The following C1orf21 variants were observed in gnomAD, a reference collection of about 807,000 sequenced individuals.
The protein encoded by C1orf21 is chromosome 1 open reading frame 21.
A neutral mutation model predicts 18.7 loss-of-function variants in C1orf21; 3 were observed. The observed-to-expected ratio is 0.16, with a 90% CI of 0.07 to 0.42. C1orf21 has a LOEUF of 0.42. C1orf21 is among the 10% of genes least tolerant of loss of function. The probability of loss-of-function intolerance (pLI) is 0.99; values close to 1 mark genes in which losing one functional copy is unlikely to be tolerated. For synonymous variants in C1orf21, 41 were observed against 46.4 expected (o/e 0.88, Z 0.47); for missense variants, 104 against 143.6 (o/e 0.72, Z 1.41).
chr1:184,512,988 C>T (rs1275913211), intron 3 of C1orf21, among the ~76,000 whole-genome samples: 7 of 152,176 alleles, frequency 4.6e-5, no homozygotes, highest in Admixed American at 1.3e-4. Context: ...CAAGCCCTAT[C>T]GTGAACTGTG....
At chr1:184,415,495 T>A (rs1656435727) in intron 1 of C1orf21, among the ~76,000 whole-genome samples, 1 of 152,182 alleles carries the variant, frequency 6.6e-6, no homozygotes, top group African/African-American at 2.4e-5. Context: ...ATGGAGGTGG[T>A]CTGTGAGCCA....
intron 1 of C1orf21, among the ~76,000 whole-genome samples, chr1:184,390,895 T>C (rs1655962008): frequency 6.6e-6 from 1 of 152,176 alleles, no homozygotes; most frequent in South Asian, 2.1e-4. Context: ...TAGACCAGTA[T>C]AAAGTACTGC....
At chr1:184,417,155 A>AAGAG (rs1270436951) in intron 1 of C1orf21, among the ~76,000 whole-genome samples, 1 of 152,162 alleles carries the variant, frequency 6.6e-6, no homozygotes, top group African/African-American at 2.4e-5. Context: ...GCTTGACACT[A>AAGAG]AGAGGGAAGG....
chr1:184,429,985 G>A (rs990693395), intron 1 of C1orf21, among the ~76,000 whole-genome samples: 1 of 151,932 alleles, frequency 6.6e-6, no homozygotes, highest in Non-Finnish European at 1.5e-5. Context: ...AGTGGTGGGT[G>A]CCTGTAGTCC....
intron 3 of C1orf21, among the ~76,000 whole-genome samples, chr1:184,586,388 A>G (rs1407830518): frequency 6.8e-6 from 1 of 147,990 alleles, no homozygotes; most frequent in East Asian, 2.0e-4. Flanking sequence ...GGTTCACGCC[A>G]TTCTCCTGCC....
intron 5 of C1orf21, among the ~76,000 whole-genome samples, chr1:184,617,904 GTTTTTTTTTT>G (rs142357373): frequency 1.1e-5 from 1 of 87,506 alleles, no homozygotes; most frequent in Non-Finnish European, 2.3e-5. Context: ...TGTTGTTGTT[GTTTTTTTTTT>G]TTTTTTTTTT....
intron 5 of C1orf21, among the ~76,000 whole-genome samples, chr1:184,611,026 A>G (rs1367334394): frequency 6.6e-6 from 1 of 152,136 alleles, no homozygotes; most frequent in Non-Finnish European, 1.5e-5. Context: ...CACGGTGATC[A>G]TTCCTATATA....
At position 184,395,484 on chromosome 1, in the gene C1orf21, C is replaced by T. The variant is rs1656038357; in HGVS notation, c.-125+8116C>T. On this transcript the variant is annotated intron_variant, in intron 1 of 5. Coordinates refer to ENST00000235307, the MANE Select transcript of C1orf21 (RefSeq NM_030806.4). ...AGATAATTTATTGAACAAACATTGA[C>T]TTTTGTTAATGAAGTTTTGTGTCAT... Among the ~76,000 whole-genome samples, 6 of 152,168 alleles carry T rather than the reference C, an allele frequency of 3.9e-5. No homozygotes were observed. In the South Asian group the frequency reaches 1.2e-3, roughly 32 times the overall value.
At chr1:184,432,665 T>TA (rs35288127) in intron 1 of C1orf21, among the ~76,000 whole-genome samples, 11,798 of 149,362 alleles carry the variant, frequency 0.079, 563 homozygotes, top group African/African-American at 0.12. Context: ...CTTAAAGTAT[T>TA]AAAAAAAAAG....
At chr1:184,531,729 T>C (rs1191064764) in intron 3 of C1orf21, among the ~76,000 whole-genome samples, 1 of 152,302 alleles carries the variant, frequency 6.6e-6, no homozygotes, top group African/African-American at 2.4e-5. Context: ...AAATTTCATT[T>C]CCTTCAGTTT....
intron 1 of C1orf21, among the ~76,000 whole-genome samples, chr1:184,427,109 A>G (rs1332776158): frequency 6.6e-6 from 1 of 152,194 alleles, no homozygotes; most frequent in Non-Finnish European, 1.5e-5. Flanking sequence ...TCAGACTGGC[A>G]CAAACACTGC....
At chr1:184,459,701 A>G (rs1422346906) in intron 1 of C1orf21, among the ~76,000 whole-genome samples, 1 of 152,166 alleles carries the variant, frequency 6.6e-6, no homozygotes, top group Non-Finnish European at 1.5e-5. Flanking sequence ...TTTGTCACTC[A>G]TGGTCTAGTT....
At chr1:184,533,720 C>T (rs1270024223) in intron 3 of C1orf21, among the ~76,000 whole-genome samples, 5 of 152,192 alleles carry the variant, frequency 3.3e-5, no homozygotes, top group African/African-American at 1.2e-4. Context: ...GGAACTTGCT[C>T]CACACAATCC....
At chr1:184,509,776 G>A (rs1355050377) in intron 3 of C1orf21, among the ~76,000 whole-genome samples, 1 of 152,090 alleles carries the variant, frequency 6.6e-6, no homozygotes, top group Non-Finnish European at 1.5e-5. Context: ...TAAGATGTAG[G>A]TTACAGTGTT....
chr1:184,410,659 A>T (rs867075267), intron 1 of C1orf21, among the ~76,000 whole-genome samples: 393 of 6,068 alleles, frequency 0.065, 82 homozygotes, highest in African/African-American at 0.12. Flanking sequence ...ATATATATAT[A>T]TATATTTTTT....
intron 3 of C1orf21, among the ~76,000 whole-genome samples, chr1:184,573,895 A>C (rs1282150094): frequency 6.6e-6 from 1 of 152,228 alleles, no homozygotes; most frequent in Non-Finnish European, 1.5e-5. Flanking sequence ...CTTTTACTTC[A>C]AAGTAGAAAT....
At chr1:184,399,992 G>A (rs1656123484) in intron 1 of C1orf21, among the ~76,000 whole-genome samples, 1 of 148,396 alleles carries the variant, frequency 6.7e-6, no homozygotes, top group Non-Finnish European at 1.5e-5. Flanking sequence ...TGATTTTCTA[G>A]TAGCCTCTAG....
chr1:184,478,446 A>G (rs1256166205), intron 2 of C1orf21, among the ~76,000 whole-genome samples: 1 of 152,176 alleles, frequency 6.6e-6, no homozygotes, highest in Non-Finnish European at 1.5e-5. Context: ...AAAAAGCAAG[A>G]CAGCCTTTAA....
intron 3 of C1orf21, among the ~76,000 whole-genome samples, chr1:184,538,811 A>G (rs572731904): frequency 7.0e-4 from 107 of 152,270 alleles, no homozygotes; most frequent in African/African-American, 2.5e-3. Flanking sequence ...TTCATTTTAT[A>G]TGTCTACCTT....
Sources: allele counts gnomAD v4.1 joint callset (sites outside exome capture counted in the v4.1 genomes callset), GRCh38; gene constraint gnomAD v4.1.1; transcripts MANE v1.5; gene names NCBI Gene and HGNC (gene_info 2026-07-23, HGNC 2026-07-21).